The following TRAPPC9 variants were observed in gnomAD, a reference collection of about 807,000 sequenced individuals.
TRAPPC9 encodes the protein trafficking protein particle complex subunit 9.
In TRAPPC9, 83 loss-of-function variants were observed where a neutral mutation model predicts 124.0. The ratio of observed to expected loss-of-function variants is 0.67; its 90% CI spans 0.56 to 0.80. The LOEUF is 0.80. Ranked by LOEUF, TRAPPC9 falls within the 30% of genes least tolerant of loss-of-function variation. TRAPPC9 has a pLI of 0.00. For missense variants in TRAPPC9, 1,302 were observed against 1,508.3 expected, an observed-to-expected ratio of 0.86 and a Z score of 2.27; for synonymous variants, 638 against 617.5, an observed-to-expected ratio of 1.03 and a Z score of -0.49.
At chr8:140,294,472 G>A (rs563328860) in intron 11 of TRAPPC9, among the ~76,000 whole-genome samples, 10 of 152,272 alleles carry the variant, frequency 6.6e-5, no homozygotes, top group Admixed American at 2.6e-4. Context: ...TGGTCATGAT[G>A]ATGATGATGA....
intron 21 of TRAPPC9, among the ~76,000 whole-genome samples, chr8:139,829,218 T>C (rs777684765): frequency 1.3e-5 from 2 of 152,252 alleles, no homozygotes; most frequent in African/African-American, 2.4e-5. Flanking sequence ...GTATAAAGTC[T>C]TTGCTCTCTC....
intron 6 of TRAPPC9, among the ~76,000 whole-genome samples, chr8:140,404,040 T>A (rs1484238737): frequency 1.3e-5 from 2 of 152,094 alleles, no homozygotes; most frequent in African/African-American, 2.4e-5. Flanking sequence ...AAAAGATGTA[T>A]GCATAGGGGC....
intron 19 of TRAPPC9, among the ~76,000 whole-genome samples, chr8:139,918,351 G>A (rs931748941): frequency 1.3e-5 from 2 of 152,222 alleles, no homozygotes; most frequent in Admixed American, 1.3e-4. Flanking sequence ...GTCTCCCAGG[G>A]AGGGAACCTG....
chr8:140,350,967 G>A (rs1463381240), intron 9 of TRAPPC9, among the ~76,000 whole-genome samples: 1 of 151,920 alleles, frequency 6.6e-6, no homozygotes, highest in African/African-American at 2.4e-5. Flanking sequence ...CAAGGGAGAG[G>A]GGCAGGAGGC....
At chr8:139,832,678 T>C (rs1346126748) in intron 21 of TRAPPC9, among the ~76,000 whole-genome samples, 1 of 152,188 alleles carries the variant, frequency 6.6e-6, no homozygotes, top group Non-Finnish European at 1.5e-5. Context: ...TGTGGGGCTC[T>C]AAGCCTGGCT....
At chr8:140,312,865 T>C (rs1236053286) in intron 9 of TRAPPC9, among the ~76,000 whole-genome samples, 1 of 148,718 alleles carries the variant, frequency 6.7e-6, no homozygotes, top group South Asian at 2.2e-4. Flanking sequence ...GTTCAAGCAA[T>C]CCTCCCATCT....
intron 17 of TRAPPC9, among the ~76,000 whole-genome samples, chr8:140,061,090 C>T (rs748695896): frequency 6.6e-5 from 10 of 152,314 alleles, no homozygotes; most frequent in East Asian, 1.9e-4. Context: ...TTTTTAATAT[C>T]GTCAGATCAT....
chr8:140,052,781 CAA>C (rs34703292), intron 17 of TRAPPC9, among the ~76,000 whole-genome samples: 4 of 134,700 alleles, frequency 3.0e-5, no homozygotes, highest in African/African-American at 1.1e-4. Flanking sequence ...GACTCCGTCT[CAA>C]AAAAAAAAAA....
intron 21 of TRAPPC9, among the ~76,000 whole-genome samples, chr8:139,860,942 G>C (rs1828098073): frequency 1.3e-5 from 2 of 152,256 alleles, no homozygotes; most frequent in Non-Finnish European, 2.9e-5. Context: ...ACAGCCTGGA[G>C]AGCCTGGGAG....
intron 7 of TRAPPC9, among the ~76,000 whole-genome samples, chr8:140,376,585 C>G (rs1419452144): frequency 2.2e-5 from 3 of 139,192 alleles, no homozygotes; most frequent in African/African-American, 8.2e-5. Flanking sequence ...AAAAGAATCA[C>G]AGTGTTGAGG....
At chr8:139,935,097 T>C (rs77806093) in intron 19 of TRAPPC9, among the ~76,000 whole-genome samples, 40 of 152,248 alleles carry the variant, frequency 2.6e-4, no homozygotes, top group African/African-American at 8.9e-4. Context: ...CGTGATCTCA[T>C]GGGAGCCCCG....
intron 19 of TRAPPC9, among the ~76,000 whole-genome samples, chr8:139,919,703 G>A (rs966617649): frequency 1.3e-5 from 2 of 152,184 alleles, no homozygotes; most frequent in Non-Finnish European, 2.9e-5. Context: ...GGGTGTCTGC[G>A]TCTCCACTCC....
At chr8:139,936,407 C>T (rs1414471287) in intron 19 of TRAPPC9, among the ~76,000 whole-genome samples, 2 of 152,234 alleles carry the variant, frequency 1.3e-5, no homozygotes, top group African/African-American at 4.8e-5. Flanking sequence ...CCCCTGCAAT[C>T]AGGCACAAAT....
At chr8:140,106,019 T>C (rs530230088) in intron 17 of TRAPPC9, among the ~76,000 whole-genome samples, 1 of 151,304 alleles carries the variant, frequency 6.6e-6, no homozygotes, top group South Asian at 2.1e-4. Flanking sequence ...CAAATGTGGA[T>C]TTTGTAATGA....
intron 17 of TRAPPC9, among the ~76,000 whole-genome samples, chr8:140,221,213 G>T (rs1049760298): frequency 2.0e-5 from 3 of 152,144 alleles, no homozygotes; most frequent in Non-Finnish European, 4.4e-5. Context: ...ATCACCGCAC[G>T]CCTGGATTCA....
intron 17 of TRAPPC9, among the ~76,000 whole-genome samples, chr8:140,139,888 G>A (rs908867197): frequency 3.9e-5 from 6 of 152,012 alleles, no homozygotes; most frequent in African/African-American, 1.2e-4. Flanking sequence ...TCAGTATTTC[G>A]TTATGCTGTA....
chr8:139,906,159 C>A (rs1831347652), intron 20 of TRAPPC9, among the ~76,000 whole-genome samples: 1 of 152,206 alleles, frequency 6.6e-6, no homozygotes, highest in Non-Finnish European at 1.5e-5. Context: ...ATTAGCTCAT[C>A]CGGTCAGGCC....
chr8:140,280,884 G>C (rs1484390413), intron 14 of TRAPPC9, among the ~76,000 whole-genome samples: 2 of 152,216 alleles, frequency 1.3e-5, no homozygotes, highest in Non-Finnish European at 2.9e-5. Flanking sequence ...TTTCACATCA[G>C]AGGACTCACG....
intron 19 of TRAPPC9, among the ~76,000 whole-genome samples, chr8:139,955,452 G>A (rs1029465035): frequency 6.6e-6 from 1 of 151,692 alleles, no homozygotes; most frequent in East Asian, 1.9e-4. Flanking sequence ...AAGCGCCCAC[G>A]TTCAGCATCA....
Sources: allele counts gnomAD v4.1 joint callset (sites outside exome capture counted in the v4.1 genomes callset), GRCh38; gene constraint gnomAD v4.1.1; transcripts MANE v1.5; gene names NCBI Gene and HGNC (gene_info 2026-07-23, HGNC 2026-07-21).